ZNF804B: variants seen among roughly 807,000 people sequenced by gnomAD.
ZNF804B encodes zinc finger protein 804B, also known as zinc finger 804B.
In ZNF804B, 80 loss-of-function variants were observed where a neutral mutation model predicts 101.4. The ratio of observed to expected loss-of-function variants is 0.79; its 90% confidence interval spans 0.66 to 0.95. ZNF804B has a LOEUF of 0.95. ZNF804B is among the 40% of genes least tolerant of loss of function. The pLI is 0.00. For missense variants in ZNF804B, 1,673 were observed against 1,561.9 expected (o/e 1.07, Z -1.20); for synonymous variants, 622 against 558.8 (o/e 1.11, Z -1.59).
chr7:88,975,994 C>A (rs992824825), intron 1 of ZNF804B, among the ~76,000 whole-genome samples: 1 of 151,588 alleles, frequency 6.6e-6, no homozygotes, highest in African/African-American at 2.4e-5. Flanking sequence ...ATATGCATAT[C>A]CAGTTTTCCC....
At chr7:89,023,824 G>A (rs1338955425) in intron 1 of ZNF804B, among the ~76,000 whole-genome samples, 1 of 152,118 alleles carries the variant, frequency 6.6e-6, no homozygotes, top group African/African-American at 2.4e-5. Flanking sequence ...CATATGCCTA[G>A]GAGTTTTTGA....
At chr7:89,104,925 GTTC>G (rs760469667) in intron 1 of ZNF804B, among the ~76,000 whole-genome samples, 75 of 152,172 alleles carry the variant, frequency 4.9e-4, no homozygotes, top group Non-Finnish European at 9.1e-4. Flanking sequence ...ACGCAAACAT[GTTC>G]TTCTACTGTG....
chr7:89,091,166 CT>C (rs1352391595), intron 1 of ZNF804B, among the ~76,000 whole-genome samples: 2 of 151,368 alleles, frequency 1.3e-5, no homozygotes, highest in East Asian at 3.9e-4. Context: ...CACAGCATAT[CT>C]AAAAATTCAT....
At chr7:89,286,874 A>C (rs1790207178) in intron 2 of ZNF804B, among the ~76,000 whole-genome samples, 1 of 152,100 alleles carries the variant, frequency 6.6e-6, no homozygotes, top group African/African-American at 2.4e-5. Context: ...ACAGAAATAC[A>C]ATGTATTTCC....
At chr7:89,239,116 G>A (rs1267159110) in intron 2 of ZNF804B, among the ~76,000 whole-genome samples, 1 of 152,066 alleles carries the variant, frequency 6.6e-6, no homozygotes, top group Non-Finnish European at 1.5e-5. Flanking sequence ...GCTAGTTCAG[G>A]GAGCCCTAGA....
chr7:88,951,471 C>T lies in ZNF804B; in HGVS notation c.108+191387C>T, dbSNP rs185716862. On this transcript the variant is annotated intron_variant, in intron 1 of 3. Transcript: ENST00000333190. ...ATACACACACATGCGCGTGCGCACG[C>T]GCACGCACATATATAATGTCTATTA... Among the ~76,000 whole-genome samples the T allele has an allele frequency of 2.1e-3, 322 of 151,826 alleles. 2 individuals are homozygous for T. The highest frequency in any genetic ancestry group is 7.2e-3 in the African/African-American group (300 of 41,482).
At chr7:89,196,870 C>G (rs943669621) in intron 1 of ZNF804B, among the ~76,000 whole-genome samples, 10 of 151,934 alleles carry the variant, frequency 6.6e-5, no homozygotes, top group African/African-American at 2.4e-4. Flanking sequence ...TGAAAAAAAG[C>G]TCAACATCAC....
chr7:89,152,782 A>G (rs1031266018), intron 1 of ZNF804B, among the ~76,000 whole-genome samples: 25 of 152,246 alleles, frequency 1.6e-4, no homozygotes, highest in African/African-American at 4.6e-4. Flanking sequence ...CTAAATTATT[A>G]TCACTGCAAA....
chr7:88,929,773 G>A (rs1383869571), intron 1 of ZNF804B, among the ~76,000 whole-genome samples: 1 of 151,856 alleles, frequency 6.6e-6, no homozygotes, highest in Non-Finnish European at 1.5e-5. Context: ...GTGTAATGGT[G>A]ATTTAAAAAT....
At chr7:89,003,833 G>GAA (rs1428981501) in intron 1 of ZNF804B, among the ~76,000 whole-genome samples, 1 of 151,822 alleles carries the variant, frequency 6.6e-6, no homozygotes, top group African/African-American at 2.4e-5. Flanking sequence ...TCATACAGGT[G>GAA]AAAACCCATG....
At chr7:88,973,562 T>A (rs1375529387) in intron 1 of ZNF804B, among the ~76,000 whole-genome samples, 1 of 144,456 alleles carries the variant, frequency 6.9e-6, no homozygotes, top group Non-Finnish European at 1.5e-5. Flanking sequence ...GTATAATCTT[T>A]TTTTTTTTAA....
chr7:89,089,303 G>T (rs1296157218), intron 1 of ZNF804B, among the ~76,000 whole-genome samples: 1 of 151,662 alleles, frequency 6.6e-6, no homozygotes, highest in Admixed American at 6.6e-5. Flanking sequence ...TCATTATGTT[G>T]TATTTGTTAC....
chr7:89,277,155 T>C (rs1789993877), intron 2 of ZNF804B, among the ~76,000 whole-genome samples: 1 of 148,706 alleles, frequency 6.7e-6, no homozygotes, highest in Admixed American at 6.7e-5. Context: ...CACATAAATA[T>C]AAAATGTTAT....
intron 2 of ZNF804B, among the ~76,000 whole-genome samples, chr7:89,228,901 C>T (rs559354981): frequency 7.2e-5 from 11 of 152,304 alleles, no homozygotes; most frequent in African/African-American, 2.4e-4. Flanking sequence ...ACTGCAGGTC[C>T]GGAGCCCTGC....
At chr7:89,162,100 G>A (rs1264131784) in intron 1 of ZNF804B, among the ~76,000 whole-genome samples, 1 of 151,736 alleles carries the variant, frequency 6.6e-6, no homozygotes, top group African/African-American at 2.4e-5. Context: ...ATTTCAGTCT[G>A]TAGCATGTGG....
At chr7:89,074,143 T>C (rs1789581749) in intron 1 of ZNF804B, among the ~76,000 whole-genome samples, 1 of 152,122 alleles carries the variant, frequency 6.6e-6, no homozygotes, top group African/African-American at 2.4e-5. Flanking sequence ...CCTCCTGGAG[T>C]GTTCATTTAC....
At chr7:89,009,507 TG>T (rs1479846459) in intron 1 of ZNF804B, among the ~76,000 whole-genome samples, 1 of 152,180 alleles carries the variant, frequency 6.6e-6, no homozygotes, top group Non-Finnish European at 1.5e-5. Context: ...TGATGTGCAA[TG>T]GACTGAATGT....
intron 1 of ZNF804B, among the ~76,000 whole-genome samples, chr7:89,205,094 CCCATTT>C (rs1788695950): frequency 1.3e-5 from 2 of 152,112 alleles, no homozygotes; most frequent in Non-Finnish European, 2.9e-5. Flanking sequence ...CAGGAGAACT[CCCATTT>C]ATAAAACCAT....
chr7:88,900,989 C>A (rs948462628), intron 1 of ZNF804B, among the ~76,000 whole-genome samples: 10 of 151,794 alleles, frequency 6.6e-5, no homozygotes, highest in African/African-American at 2.4e-4. Context: ...GTAGTGACCT[C>A]CTATTTTCAA....
Sources: allele counts gnomAD v4.1 joint callset (sites outside exome capture counted in the v4.1 genomes callset), GRCh38; gene constraint gnomAD v4.1.1; transcripts MANE v1.5; gene names NCBI Gene and HGNC (gene_info 2026-07-23, HGNC 2026-07-21).